PRKAG2: variants seen among roughly 807,000 people sequenced by gnomAD.
The protein encoded by PRKAG2 is protein kinase AMP-activated non-catalytic subunit gamma 2.
A neutral mutation model predicts 69.6 loss-of-function variants in PRKAG2; 26 were observed. The observed-to-expected ratio is 0.37, with a 90% CI of 0.27 to 0.52. The LOEUF (loss-of-function observed/expected upper bound fraction) is 0.52. Ranked by LOEUF, PRKAG2 falls within the 20% of genes least tolerant of loss-of-function variation. PRKAG2 has a pLI of 0.90. For missense variants in PRKAG2, 557 were observed against 740.0 expected, an observed-to-expected ratio of 0.75 and a Z score of 2.87; for synonymous variants, 293 against 285.0, an observed-to-expected ratio of 1.03 and a Z score of -0.28.
chr7:151,651,999 C>A (rs931164079), intron 4 of PRKAG2, among the ~76,000 whole-genome samples: 4 of 152,130 alleles, frequency 2.6e-5, no homozygotes, highest in African/African-American at 7.2e-5. Context: ...ACTGTGACTA[C>A]AGTTAATAAT....
intron 1 of PRKAG2, among the ~76,000 whole-genome samples, chr7:151,834,563 T>C (rs1415552507): frequency 8.5e-5 from 13 of 152,056 alleles, no homozygotes; most frequent in Admixed American, 8.5e-4. Flanking sequence ...CAGGTGAGAG[T>C]CTTCCGGGCT....
At position 151,865,993 on chromosome 7, in the gene PRKAG2, T is replaced by C. The variant is rs1344970134; in HGVS notation, c.114+10514A>G. On this transcript the variant is annotated intron_variant, in intron 1 of 15. Coordinates refer to ENST00000287878, the MANE Select transcript of PRKAG2 (RefSeq NM_016203.4). ...GGAGATCGCACCACTGCACTCCAGC[T>C]TGGGTGACAGAGCAAGACTCTGTCT... Among the ~76,000 whole-genome samples the C allele has an allele frequency of 6.7e-5, 10 of 149,026 alleles. 1 individual carries two copies. Among genetic ancestry groups the C allele is most frequent in the African/African-American group, 1.5e-4 (6 of 40,250 alleles).
chr7:151,716,409 T>G (rs1181731509), intron 3 of PRKAG2, among the ~76,000 whole-genome samples: 1 of 152,116 alleles, frequency 6.6e-6, no homozygotes, highest in Non-Finnish European at 1.5e-5. Flanking sequence ...AAGCAGGGGC[T>G]GGGCAGGGGT....
chr7:151,738,760 G>C (rs2073650463), intron 3 of PRKAG2, among the ~76,000 whole-genome samples: 1 of 152,076 alleles, frequency 6.6e-6, no homozygotes, highest in Non-Finnish European at 1.5e-5. Context: ...TAAATATGTG[G>C]GTAAATCTCT....
At chr7:151,563,956 A>G (rs543061634) in intron 14 of PRKAG2, 122 bp downstream of exon 14, 14 of 1,347,954 alleles carry the variant, frequency 1.0e-5, no homozygotes, top group Non-Finnish European at 1.5e-5. Context: ...AATCCCATCG[A>G]CTGAACCTGG....
At chr7:151,733,751 C>T (rs556893311) in intron 3 of PRKAG2, among the ~76,000 whole-genome samples, 49 of 151,470 alleles carry the variant, frequency 3.2e-4, no homozygotes, top group African/African-American at 1.2e-3. Flanking sequence ...GCCTGGAGTA[C>T]AGTGATGTGA....
At chr7:151,691,418 G>A (rs1260775881) in intron 3 of PRKAG2, among the ~76,000 whole-genome samples, 1 of 150,274 alleles carries the variant, frequency 6.7e-6, no homozygotes, top group African/African-American at 2.5e-5. Context: ...ATATGATAAA[G>A]GACTTGTAGC....
intron 3 of PRKAG2, among the ~76,000 whole-genome samples, chr7:151,676,636 C>T (rs1179627229): frequency 3.9e-5 from 6 of 152,068 alleles, no homozygotes; most frequent in Non-Finnish European, 8.8e-5. Flanking sequence ...AATTCATTAC[C>T]ATGGTGCTTT....
chr7:151,874,110 T>C (rs1303497424), intron 1 of PRKAG2, among the ~76,000 whole-genome samples: 2 of 144,832 alleles, frequency 1.4e-5, no homozygotes, highest in African/African-American at 5.1e-5. Flanking sequence ...GTATATGATG[T>C]ATATGTATAT....
At chr7:151,605,826 C>T (rs6976650) in intron 5 of PRKAG2, among the ~76,000 whole-genome samples, 30,261 of 151,546 alleles carry the variant, frequency 0.2, 3,816 homozygotes, top group African/African-American at 0.35. Context: ...TAATCCCAGC[C>T]ACACAGGAGG....
intron 4 of PRKAG2, among the ~76,000 whole-genome samples, chr7:151,634,848 C>A (rs79336716): frequency 6.6e-6 from 1 of 151,012 alleles, no homozygotes; most frequent in African/African-American, 2.4e-5. Context: ...GCTAAAATCA[C>A]AATAGTAACA....
chr7:151,703,190 G>A (rs1044590774), intron 3 of PRKAG2, among the ~76,000 whole-genome samples: 2 of 152,180 alleles, frequency 1.3e-5, no homozygotes, highest in East Asian at 3.8e-4. Flanking sequence ...ATCAGCGCGC[G>A]CGAAGCAAAG....
intron 6 of PRKAG2, among the ~76,000 whole-genome samples, chr7:151,582,813 G>A (rs1810808511): frequency 6.6e-6 from 1 of 152,218 alleles, no homozygotes; most frequent in African/African-American, 2.4e-5. Context: ...CAGCTGTGTG[G>A]TGGCTGCTCA....
chr7:151,687,443 C>A (rs1834903373), intron 3 of PRKAG2, among the ~76,000 whole-genome samples: 1 of 152,200 alleles, frequency 6.6e-6, no homozygotes, highest in African/African-American at 2.4e-5. Context: ...AATAATTTGT[C>A]AATGAAAGGG....
intron 1 of PRKAG2, among the ~76,000 whole-genome samples, chr7:151,815,919 A>T (rs1446973015): frequency 2.0e-5 from 3 of 152,210 alleles, no homozygotes; most frequent in Admixed American, 2.0e-4. Context: ...TATTCAAGAA[A>T]AGGAGGCTTC....
intron 1 of PRKAG2, among the ~76,000 whole-genome samples, chr7:151,832,414 C>CA (rs2079055396): frequency 6.6e-6 from 1 of 152,116 alleles, no homozygotes; most frequent in South Asian, 2.1e-4. Flanking sequence ...AGTGCCTTCC[C>CA]AGGCAGCCAG....
rs2079160660 is a variant in PRKAG2 at position 151,836,937 on chromosome 7, C to A, written c.114+39570G>T. Among the ~76,000 whole-genome samples the A allele has an allele frequency of 6.6e-6, 1 of 152,206 alleles. No homozygotes were observed. Among genetic ancestry groups the A allele is most frequent in the Non-Finnish European group, 1.5e-5 (1 of 68,026 alleles). ...GCCCGGCCCAGCCAGCTTGCGGGGA[C>A]CCCCGAGACGAGGTCCCTGCCAGAC... On this transcript the variant is annotated intron_variant, in intron 1 of 15. Transcript: ENST00000287878. The surrounding 1 kb of genome is among the most constrained non-coding windows in gnomAD (Gnocchi z 4.1).
intron 14 of PRKAG2, among the ~76,000 whole-genome samples, chr7:151,561,284 T>C (rs1804888621): frequency 6.6e-6 from 1 of 152,246 alleles, no homozygotes; most frequent in South Asian, 2.1e-4. Context: ...GTAGCTATCA[T>C]ACATTGTTAA....
intron 3 of PRKAG2, among the ~76,000 whole-genome samples, chr7:151,700,729 G>A (rs1837531042): frequency 6.8e-6 from 1 of 146,320 alleles, no homozygotes; most frequent in South Asian, 2.1e-4. Flanking sequence ...AGGCCCTGGA[G>A]AAGCTGACGG....
Sources: allele counts gnomAD v4.1 joint callset (sites outside exome capture counted in the v4.1 genomes callset), GRCh38; gene constraint gnomAD v4.1.1; non-coding constraint Gnocchi (gnomAD v3.1); transcripts MANE v1.5; gene names NCBI Gene and HGNC (gene_info 2026-07-23, HGNC 2026-07-21).